TUSC3: variants seen among roughly 807,000 people sequenced by gnomAD.
TUSC3 encodes the protein tumor suppressor candidate 3.
In TUSC3, 45 loss-of-function variants were observed where a neutral mutation model predicts 44.8. The ratio of observed to expected loss-of-function variants is 1.00; its 90% CI spans 0.79 to 1.29. The LOEUF is 1.29. Ranked by LOEUF, TUSC3 falls within the 50% of genes most tolerant of loss-of-function variation. The pLI is 0.00. For missense variants in TUSC3, 519 were observed against 437.9 expected (o/e 1.19, Z -1.65); for synonymous variants, 212 against 152.9 (o/e 1.39, Z -2.85).
chr8:15,791,875 C>G, the TUSC3 span, among the ~76,000 whole-genome samples: 1 of 152,156 alleles, frequency 6.6e-6, no homozygotes, highest in African/African-American at 2.4e-5. Context: ...GTGGTAATCT[C>G]TCAGGTCATC....
chr8:15,614,759 C>T (rs757030184), intron 1 of TUSC3, among the ~76,000 whole-genome samples: 1 of 151,878 alleles, frequency 6.6e-6, no homozygotes, highest in African/African-American at 2.4e-5. Flanking sequence ...TGTAAATTGC[C>T]TTGGACATAG....
At chr8:15,830,465 T>A in the TUSC3 span, among the ~76,000 whole-genome samples, 9 of 152,316 alleles carry the variant, frequency 5.9e-5, no homozygotes, top group Middle Eastern at 6.8e-3. Flanking sequence ...CACTTGTATA[T>A]TTATTGCAGC....
chr8:15,757,879 G>T (rs1811998550), intron 10 of TUSC3, 24 bp downstream of exon 10: 2 of 1,403,704 alleles, frequency 1.4e-6, no homozygotes, highest in Admixed American at 3.4e-5. Flanking sequence ...TCTTCTCTGA[G>T]CCTCAGTTTT....
At chr8:15,564,681 A>G (rs1048696798) in intron 1 of TUSC3, among the ~76,000 whole-genome samples, 7 of 152,128 alleles carry the variant, frequency 4.6e-5, no homozygotes, top group African/African-American at 1.7e-4. Flanking sequence ...GACATTTCCC[A>G]GTGTCCCATG....
chr8:15,778,276 CTGA>C, the TUSC3 span, among the ~76,000 whole-genome samples: 1 of 152,142 alleles, frequency 6.6e-6, no homozygotes, highest in African/African-American at 2.4e-5. Context: ...CGTAATCTGA[CTGA>C]TGAGGTGAGA....
intron 1 of TUSC3, among the ~76,000 whole-genome samples, chr8:15,443,337 TGTGTG>T (rs1800045896): frequency 3.7e-4 from 3 of 8,164 alleles, no homozygotes; most frequent in East Asian, 9.1e-3. Context: ...CCCACCTAAT[TGTGTG>T]TGTGTGTGTG....
At chr8:15,563,722 A>T (rs969511101) in intron 1 of TUSC3, among the ~76,000 whole-genome samples, 4 of 148,976 alleles carry the variant, frequency 2.7e-5, no homozygotes, top group Non-Finnish European at 6.0e-5. Context: ...CCTGGAACCT[A>T]CAAAGGTGGA....
intron 1 of TUSC3, among the ~76,000 whole-genome samples, chr8:15,556,188 G>C (rs893868152): frequency 6.4e-5 from 8 of 125,180 alleles, no homozygotes; most frequent in Non-Finnish European, 1.1e-4. Flanking sequence ...CCCAGAGTGT[G>C]ATATTCCCCT....
At chr8:15,544,535 CAT>C (rs1257103012) in intron 1 of TUSC3, among the ~76,000 whole-genome samples, 2 of 151,724 alleles carry the variant, frequency 1.3e-5, no homozygotes, top group Non-Finnish European at 2.9e-5. Context: ...CTAAATAAAA[CAT>C]ATTTCAATTG....
chr8:15,557,038 G>C (rs1483978131), intron 1 of TUSC3, among the ~76,000 whole-genome samples: 1 of 129,866 alleles, frequency 7.7e-6, no homozygotes, highest in Non-Finnish European at 1.6e-5. Flanking sequence ...TTTGGCTTTT[G>C]TTGCCATTGC....
the TUSC3 span, among the ~76,000 whole-genome samples, chr8:15,820,038 C>G: frequency 6.6e-6 from 1 of 152,040 alleles, no homozygotes; most frequent in African/African-American, 2.4e-5. Context: ...TGAACTGTTC[C>G]TAGTTTGCTG....
intron 7 of TUSC3, among the ~76,000 whole-genome samples, chr8:15,736,438 T>A (rs559712374): frequency 4.1e-4 from 63 of 152,324 alleles, no homozygotes; most frequent in African/African-American, 1.5e-3. Flanking sequence ...ACTCTTTATA[T>A]AATTTCCCAG....
chr8:15,506,898 C>T lies in TUSC3; in HGVS notation n.189+23415C>T, dbSNP rs1278685181. On this transcript the variant is annotated intron_variant and non_coding_transcript_variant, in intron 2 of 5. Coordinates refer to the TUSC3 transcript ENST00000503191. Reference sequence around the variant, plus strand: ...AGAAGCCAGGAAGAATGTAGACAGACAGGCCTTGCTGCATTTCCTGTCTTG... The same window carrying T: ...AGAAGCCAGGAAGAATGTAGACAGATAGGCCTTGCTGCATTTCCTGTCTTG... Among the ~76,000 whole-genome samples, 6 of 152,192 alleles carry T rather than the reference C, an allele frequency of 3.9e-5. No homozygotes were observed. The South Asian group carries it at 1.2e-3, about 32-fold the overall frequency.
intron 1 of TUSC3, among the ~76,000 whole-genome samples, chr8:15,599,357 A>G (rs968335655): frequency 6.6e-6 from 1 of 151,478 alleles, no homozygotes; most frequent in Non-Finnish European, 1.5e-5. Flanking sequence ...TTTGGCAAAT[A>G]TTTTCTCCCA....
At position 15,531,294 on chromosome 8, in the gene TUSC3, T is replaced by C. The variant is rs60482591; in HGVS notation, n.189+47811T>C. On this transcript the variant is annotated intron_variant and non_coding_transcript_variant, in intron 2 of 5. Transcript: ENST00000503191. ...TATTTATTTAGAGACACAGTCTTGC[T>C]CTGTCTCCCAGGCTGGAGTACAATG... is the stretch of plus-strand genomic sequence containing the variant. Among the ~76,000 whole-genome samples, 752 of 152,312 alleles carry C rather than the reference T, an allele frequency of 4.9e-3. 6 individuals are homozygous for C. Among genetic ancestry groups the C allele is most frequent in the African/African-American group, 0.017 (709 of 41,564 alleles).
chr8:15,818,077 T>A, the TUSC3 span, among the ~76,000 whole-genome samples: 1 of 152,160 alleles, frequency 6.6e-6, no homozygotes, highest in Non-Finnish European at 1.5e-5. Flanking sequence ...TTCTAGGACC[T>A]TGGAGAAGAG....
chr8:15,765,729 T>C lies in TUSC3; in HGVS notation c.*1573T>C, dbSNP rs918412706. ...GTACTTAGATGAATAAATTTAGTTT[T>C]GGAATGACGTTTATGGAAAAGCAAT... On this transcript the variant is annotated 3_prime_UTR_variant, in exon 11 of 11. Transcript: ENST00000503731. The C allele has an allele frequency of 2.0e-5, 3 of 152,070 alleles. No homozygotes were observed. The highest frequency in any genetic ancestry group is 4.4e-5 in the Non-Finnish European group (3 of 67,948). 9.4% of individuals were successfully genotyped at this position (152,070 alleles called of 1,614,324 possible).
At chr8:15,457,047 C>T (rs1321849913) in intron 1 of TUSC3, among the ~76,000 whole-genome samples, 1 of 151,898 alleles carries the variant, frequency 6.6e-6, no homozygotes, top group African/African-American at 2.4e-5. Context: ...AACCATCATT[C>T]TCAGCAAACT....
At position 15,731,514 on chromosome 8, in the gene TUSC3, T is replaced by C. The variant is rs111990087; in HGVS notation, c.862+785T>C. Among the ~76,000 whole-genome samples the C allele has an allele frequency of 2.4e-3, 363 of 152,252 alleles. 3 individuals are homozygous for C. The highest frequency in any genetic ancestry group is 8.4e-3 in the African/African-American group (348 of 41,556). On this transcript the variant is annotated intron_variant, in intron 7 of 10. Coordinates refer to ENST00000503731, the MANE Select transcript of TUSC3 (RefSeq NM_006765.4). ...AACCAAAGGTGTAAATCTTTAACTA[T>C]CTTTGAATTCATCTAGGCCAAACCT...
Sources: allele counts gnomAD v4.1 joint callset (sites outside exome capture counted in the v4.1 genomes callset), GRCh38; gene constraint gnomAD v4.1.1; transcripts MANE v1.5; gene names NCBI Gene and HGNC (gene_info 2026-07-23, HGNC 2026-07-21).